Variants in PARD3B observed in about 807,000 individuals in gnomAD.
PARD3B encodes partitioning defective 3 homolog B.
In PARD3B, 103 loss-of-function variants were observed where a neutral mutation model predicts 130.2. The ratio of observed to expected loss-of-function variants is 0.79; its 90% CI spans 0.67 to 0.93. The LOEUF (loss-of-function observed/expected upper bound fraction) is 0.93. Ranked by LOEUF, PARD3B falls within the 40% of genes least tolerant of loss-of-function variation. The pLI is 0.00. For synonymous variants in PARD3B, 583 were observed against 553.2 expected (o/e 1.05, Z -0.76); for missense variants, 1,609 against 1,499.2 (o/e 1.07, Z -1.21).
chr2:205,538,718 T>G (rs2051982073), intron 21 of PARD3B, among the ~76,000 whole-genome samples: 1 of 152,224 alleles, frequency 6.6e-6, no homozygotes, highest in Non-Finnish European at 1.5e-5. Context: ...AAGCCAGATC[T>G]GCTCAGGGGG....
chr2:204,893,087 G>A (rs549374040), intron 2 of PARD3B, among the ~76,000 whole-genome samples: 1 of 152,272 alleles, frequency 6.6e-6, no homozygotes, highest in Non-Finnish European at 1.5e-5. Flanking sequence ...GTATCTATGT[G>A]TCAGAGAAAG....
chr2:204,695,798 G>A (rs542269660), intron 2 of PARD3B, among the ~76,000 whole-genome samples: 1 of 152,190 alleles, frequency 6.6e-6, no homozygotes. Context: ...TTGGAAGGGA[G>A]GAGGATGGTT....
chr2:205,586,523 T>G (rs189009011), intron 22 of PARD3B, among the ~76,000 whole-genome samples: 16 of 152,304 alleles, frequency 1.1e-4, no homozygotes, highest in Admixed American at 4.6e-4. Flanking sequence ...TGACCTTTCC[T>G]TGTTTATTTT....
intron 20 of PARD3B, among the ~76,000 whole-genome samples, chr2:205,478,162 G>A (rs2049092199): frequency 6.6e-6 from 1 of 152,168 alleles, no homozygotes; most frequent in African/African-American, 2.4e-5. Flanking sequence ...TGGCTACCTA[G>A]CACTGTCTGT....
rs528146798 is a variant in PARD3B, at chr2:205,069,048, C to CT, written c.504+21368dup. ...TTCTTCAAATATTCGATATACCTAC[C>CT]TTTTTTTTTTCTTTTACTCTATCTG... On this transcript the variant is annotated intron_variant, in intron 4 of 22. Transcript: ENST00000406610. Among the ~76,000 whole-genome samples, 389 of 148,124 alleles carry CT rather than the reference C, an allele frequency of 2.6e-3. 2 individuals are homozygous for CT. Among genetic ancestry groups the CT allele is most frequent in the African/African-American group, 8.3e-3 (334 of 40,410 alleles).
intron 18 of PARD3B, among the ~76,000 whole-genome samples, chr2:205,380,347 A>ATT (rs372528189): frequency 0.01 from 170 of 16,262 alleles, 18 homozygotes; most frequent in African/African-American, 0.047. Context: ...AAGAATATAT[A>ATT]ATATATAATA....
At chr2:205,306,608 T>A (rs553121808) in intron 18 of PARD3B, among the ~76,000 whole-genome samples, 1 of 152,356 alleles carries the variant, frequency 6.6e-6, no homozygotes, top group East Asian at 1.9e-4. Flanking sequence ...TGTATTTTCA[T>A]GTAGTAGAAA....
At chr2:205,339,147 A>C (rs1443248274) in intron 18 of PARD3B, among the ~76,000 whole-genome samples, 1 of 152,214 alleles carries the variant, frequency 6.6e-6, no homozygotes, top group African/African-American at 2.4e-5. Context: ...AAGTTTATAT[A>C]GTATTTTTTT....
At chr2:205,035,926 CTATATA>C (rs200017661) in intron 3 of PARD3B, among the ~76,000 whole-genome samples, 13 of 126,072 alleles carry the variant, frequency 1.0e-4, no homozygotes, top group East Asian at 2.3e-4. Flanking sequence ...TCTGACTCCA[CTATATA>C]TATATATATA....
At chr2:205,322,321 T>C (rs849191) in intron 18 of PARD3B, among the ~76,000 whole-genome samples, 41,025 of 152,030 alleles carry the variant, frequency 0.27, 7,781 homozygotes, top group African/African-American at 0.54. Context: ...GTTAGGTAGT[T>C]GGGGTGTATT....
chr2:204,981,113 G>C (rs1204649382), intron 3 of PARD3B, among the ~76,000 whole-genome samples: 1 of 152,162 alleles, frequency 6.6e-6, no homozygotes, highest in Non-Finnish European at 1.5e-5. Flanking sequence ...AGCTCTTGGT[G>C]AGCCTGTGAA....
chr2:204,939,125 T>A (rs1258979906), intron 2 of PARD3B, among the ~76,000 whole-genome samples: 1 of 136,414 alleles, frequency 7.3e-6, no homozygotes, highest in Middle Eastern at 3.6e-3. Context: ...CACAAGTGCA[T>A]TTTTTTTTCT....
rs141992404 is a variant in PARD3B at position 205,035,427 on chromosome 2, G to A, written c.395-12154G>A. On this transcript the variant is annotated intron_variant, in intron 3 of 22. Transcript: ENST00000406610. ...AAGAGAGAAGTTCCCATTTGTCAAG[G>A]TATCGATGAGAACTGAATTATTTGC... is the stretch of plus-strand genomic sequence containing the variant. 6.2e-3 allele frequency among the ~76,000 whole-genome samples: 949 copies of A among 152,196 alleles called. 11 individuals are homozygous for A. Among genetic ancestry groups the A allele is most frequent in the African/African-American group, 0.022 (912 of 41,544 alleles).
rs1255219565 is a variant in PARD3B, at chr2:205,125,947, C to T, written c.1434+210C>T. On this transcript the variant is annotated intron_variant, in intron 10 of 22. Coordinates refer to ENST00000406610, the MANE Select transcript of PARD3B (RefSeq NM_001302769.2). The surrounding 1 kb of genome is among the most constrained non-coding windows in gnomAD (Gnocchi z 4.0). ...GTATATGTAAACAGTGATTCCGGGG[C>T]ACAGATTCAAACACCTTTAGCAATA... Among the ~76,000 whole-genome samples the T allele has an allele frequency of 6.6e-6, 1 of 152,130 alleles. No individual in the cohort carries two copies. The highest frequency in any genetic ancestry group is 2.4e-5 in the African/African-American group (1 of 41,418).
At chr2:205,454,251 T>C (rs1350168024) in intron 20 of PARD3B, among the ~76,000 whole-genome samples, 2 of 152,162 alleles carry the variant, frequency 1.3e-5, no homozygotes, top group Non-Finnish European at 2.9e-5. Context: ...TTGCTGATGC[T>C]AAGGACAGAT....
intron 2 of PARD3B, among the ~76,000 whole-genome samples, chr2:204,776,332 A>G (rs1281607662): frequency 2.6e-5 from 4 of 152,142 alleles, no homozygotes; most frequent in Admixed American, 1.3e-4. Context: ...ATTAATTAAG[A>G]TTTTTAATAT....
chr2:205,499,692 T>C (rs2050085113), intron 20 of PARD3B, among the ~76,000 whole-genome samples: 1 of 152,166 alleles, frequency 6.6e-6, no homozygotes, highest in African/African-American at 2.4e-5. Context: ...AAGTCAGACA[T>C]TTGACCCTTG....
intron 2 of PARD3B, among the ~76,000 whole-genome samples, chr2:204,793,541 A>G (rs943076538): frequency 6.6e-6 from 1 of 151,928 alleles, no homozygotes; most frequent in African/African-American, 2.4e-5. Flanking sequence ...AGCGTCTCAC[A>G]CTGTCACCCA....
intron 1 of PARD3B, among the ~76,000 whole-genome samples, chr2:204,551,954 C>A (rs920732982): frequency 1.3e-5 from 2 of 152,194 alleles, no homozygotes; most frequent in African/African-American, 4.8e-5. Context: ...TGTTCTAGAT[C>A]TGCATCTTTC....
Sources: gnomAD v4.1 joint callset for allele counts (sites outside exome capture counted in the v4.1 genomes callset) on GRCh38, gnomAD v4.1.1 for gene constraint, Gnocchi (gnomAD v3.1) non-coding constraint, MANE v1.5 for transcripts, NCBI Gene and HGNC (gene_info 2026-07-23, HGNC 2026-07-21) for gene names.